RAB38: variants seen among roughly 807,000 people sequenced by gnomAD.
RAB38 encodes the protein ras-related protein Rab-38.
A neutral mutation model predicts 18.4 loss-of-function variants in RAB38; 15 were observed. The observed-to-expected ratio is 0.82, with a 90% confidence interval of 0.55 to 1.26. The LOEUF (loss-of-function observed/expected upper bound fraction) is 1.26. RAB38 is among the 50% of genes most tolerant of loss of function. The pLI, the probability that RAB38 is intolerant of heterozygous loss-of-function variation, is 0.00. For missense variants in RAB38, 294 were observed against 267.4 expected (o/e 1.10, Z -0.69); for synonymous variants, 101 against 104.4 (o/e 0.97, Z 0.20).
the RAB38 span, among the ~76,000 whole-genome samples, chr11:87,878,222 T>TATATATATATATATATATATAC: frequency 8.9e-4 from 103 of 116,196 alleles, 4 homozygotes; most frequent in African/African-American, 3.7e-3. Context: ...TATATATATA[T>TATATATATATATATATATATAC]ACACACATAT....
the RAB38 span, among the ~76,000 whole-genome samples, chr11:88,004,153 T>C: frequency 1.3e-5 from 2 of 149,104 alleles, no homozygotes; most frequent in East Asian, 1.9e-4. Flanking sequence ...ATATTACTTA[T>C]AGAACAATTG....
At chr11:88,009,990 A>G in the RAB38 span, among the ~76,000 whole-genome samples, 2 of 152,196 alleles carry the variant, frequency 1.3e-5, no homozygotes, top group African/African-American at 2.4e-5. Flanking sequence ...AATACACCTT[A>G]TACAGACAGC....
the RAB38 span, among the ~76,000 whole-genome samples, chr11:87,872,981 A>G: frequency 6.6e-6 from 1 of 151,596 alleles, no homozygotes; most frequent in Non-Finnish European, 1.5e-5. Flanking sequence ...TTTGAACACA[A>G]TTACTGAATC....
chr11:88,163,597 T>C (rs749217613), intron 1 of RAB38, among the ~76,000 whole-genome samples: 1 of 152,160 alleles, frequency 6.6e-6, no homozygotes, highest in Non-Finnish European at 1.5e-5. Flanking sequence ...TGAAGTATAT[T>C]GAATTAAGTA....
the RAB38 span, among the ~76,000 whole-genome samples, chr11:88,004,930 A>G: frequency 6.6e-6 from 1 of 151,402 alleles, no homozygotes; most frequent in Non-Finnish European, 1.5e-5. Context: ...ATTGAACAAA[A>G]ATGTTCAAGA....
At chr11:88,086,412 C>A in the RAB38 span, among the ~76,000 whole-genome samples, 3 of 151,840 alleles carry the variant, frequency 2.0e-5, no homozygotes, top group Non-Finnish European at 4.4e-5. Flanking sequence ...TTGATATAAC[C>A]ACTTTCTCCT....
the RAB38 span, among the ~76,000 whole-genome samples, chr11:87,805,493 G>C: frequency 6.6e-6 from 1 of 151,694 alleles, no homozygotes; most frequent in African/African-American, 2.4e-5. Flanking sequence ...CTAGATGTCA[G>C]AATTGTAGCA....
the RAB38 span, among the ~76,000 whole-genome samples, chr11:88,056,542 CG>C: frequency 6.6e-6 from 1 of 152,114 alleles, no homozygotes; most frequent in Non-Finnish European, 1.5e-5. Context: ...CAGTGGCTCA[CG>C]CCTGTAATCC....
At chr11:87,821,051 A>C in the RAB38 span, among the ~76,000 whole-genome samples, 1 of 152,198 alleles carries the variant, frequency 6.6e-6, no homozygotes, top group Admixed American at 6.6e-5. Flanking sequence ...GAGAAAAGGG[A>C]GGAACAGAAG....
the RAB38 span, among the ~76,000 whole-genome samples, chr11:88,058,076 T>G: frequency 6.6e-6 from 1 of 152,180 alleles, no homozygotes. Context: ...TGACCTGATG[T>G]GCAAAAGGAA....
At chr11:88,147,615 G>A (rs962051478) in intron 2 of RAB38, among the ~76,000 whole-genome samples, 9 of 151,356 alleles carry the variant, frequency 5.9e-5, no homozygotes, top group Non-Finnish European at 1.3e-4. Context: ...GAAAACAGCC[G>A]GGTGCGGTGG....
chr11:87,898,117 G>C, the RAB38 span, among the ~76,000 whole-genome samples: 11 of 151,458 alleles, frequency 7.3e-5, no homozygotes, highest in African/African-American at 2.2e-4. Flanking sequence ...ACCTCCAAAA[G>C]TTGCCTACTC....
At chr11:87,956,793 G>A in the RAB38 span, among the ~76,000 whole-genome samples, 1 of 152,008 alleles carries the variant, frequency 6.6e-6, no homozygotes, top group African/African-American at 2.4e-5. Context: ...GAGGAGTACT[G>A]CACCAAACCT....
chr11:88,173,431 G>T, intron 1 of RAB38: 1 of 736,378 alleles, frequency 1.4e-6, no homozygotes, highest in Non-Finnish European at 1.7e-6. Context: ...CCTACTACAT[G>T]CAGAGTAAAG....
the RAB38 span, among the ~76,000 whole-genome samples, chr11:87,851,060 C>G: frequency 3.9e-5 from 6 of 152,338 alleles, no homozygotes; most frequent in African/African-American, 1.4e-4. Flanking sequence ...GGGAGAGAGG[C>G]ATTCACACAG....
chr11:88,050,177 C>T, the RAB38 span: 1 of 152,162 alleles, frequency 6.6e-6, no homozygotes, highest in Non-Finnish European at 1.5e-5. Flanking sequence ...ATGAATTACC[C>T]TTTATGTAAG....
At chr11:88,044,879 A>T in the RAB38 span, among the ~76,000 whole-genome samples, 2 of 151,384 alleles carry the variant, frequency 1.3e-5, no homozygotes, top group East Asian at 1.9e-4. Flanking sequence ...CCTCTGCTCC[A>T]CCACCCTATA....
At chr11:87,920,037 TCTC>T in the RAB38 span, among the ~76,000 whole-genome samples, 1 of 151,958 alleles carries the variant, frequency 6.6e-6, no homozygotes, top group African/African-American at 2.4e-5. Context: ...ATTTGAGACT[TCTC>T]CCATAGTCTA....
At chr11:87,967,707 C>T in the RAB38 span, among the ~76,000 whole-genome samples, 36 of 152,164 alleles carry the variant, frequency 2.4e-4, no homozygotes, top group African/African-American at 8.7e-4. Context: ...ATCAAGCAGT[C>T]CTCTCCAAAG....
Sources: gnomAD v4.1 joint callset for allele counts (sites outside exome capture counted in the v4.1 genomes callset) on GRCh38, gnomAD v4.1.1 for gene constraint, MANE v1.5 for transcripts, NCBI Gene and HGNC (gene_info 2026-07-23, HGNC 2026-07-21) for gene names.